TGM4: variants seen among roughly 807,000 people sequenced by gnomAD.
TGM4 encodes the protein transglutaminase 4.
In TGM4, 61 loss-of-function variants were observed where a neutral mutation model predicts 76.3. The observed-to-expected ratio is 0.80, with a 90% CI of 0.65 to 0.99. The LOEUF (loss-of-function observed/expected upper bound fraction) is 0.99, where lower values mean the gene tolerates loss of function less well. Among genes scored for constraint, TGM4 ranks in the 50% least tolerant of loss-of-function variants. The probability of loss-of-function intolerance (pLI) is 0.00; values close to 1 mark genes in which losing one functional copy is unlikely to be tolerated. For synonymous variants in TGM4, 337 were observed against 329.8 expected (o/e 1.02, Z -0.24); for missense variants, 794 against 843.2 (o/e 0.94, Z 0.72).
chr3:44,884,150 C>T lies in TGM4; in HGVS notation c.20-1175C>T, dbSNP rs531105784. 2.8e-4 allele frequency among the ~76,000 whole-genome samples: 42 copies of T among 152,324 alleles called. 1 individual carries two copies. The highest frequency in any genetic ancestry group is 9.6e-4 in the African/African-American group (40 of 41,592). ...TGTTTTACCATGCCCTCTGCACACT[C>T]GAATTGCCTGGAAAGCTTTGAAAAC... On this transcript the variant is annotated intron_variant, in intron 1 of 13. Transcript: ENST00000296125.
chr3:44,878,674 G>T (rs1003383939), intron 1 of TGM4, among the ~76,000 whole-genome samples: 1 of 151,856 alleles, frequency 6.6e-6, no homozygotes, highest in Non-Finnish European at 1.5e-5. Flanking sequence ...TAGAGATGGG[G>T]TTTCACCATG....
In TGM4 at chr3:44,913,600, G is replaced by A. The variant is rs1249182730; in HGVS notation, c.1930G>A (p.Glu644Lys). Residue 644 changes from glutamate (E) to lysine (K), a missense_variant, in exon 14 of 14, where the codon GAG becomes AAG. Coordinates refer to ENST00000296125, the MANE Select transcript of TGM4 (RefSeq NM_003241.4). ...TSDHGTVQPG[E>K]TIQSQIKCTP... ...ATTTTCCAGGACGGTGCAGCCTGGT[G>A]AGACCATCCAATCCCAAATAAAATG... is the stretch of plus-strand genomic sequence containing the variant. 1.9e-6 allele frequency: 3 copies of A among 1,613,958 alleles called. No individual in the cohort carries two copies. The highest frequency in any genetic ancestry group is 2.5e-6 in the Non-Finnish European group (3 of 1,179,988).
chr3:44,903,773 C>A, intron 8 of TGM4, 111 bp from the exon 9 acceptor site: 1 of 1,007,900 alleles, frequency 9.9e-7, no homozygotes, highest in Non-Finnish European at 1.6e-6. Context: ...CCCCTGAGAA[C>A]AACCTCAGTG....
At chr3:44,898,962 T>C (rs1335563794) in intron 6 of TGM4, among the ~76,000 whole-genome samples, 1 of 151,974 alleles carries the variant, frequency 6.6e-6, no homozygotes, top group African/African-American at 2.4e-5. Flanking sequence ...AGGCAGAACT[T>C]GCCATGAGGG....
Position 44,911,009 on chromosome 3 carries a change from C to T in TGM4, c.1658C>T (p.Ala553Val), listed in dbSNP as rs1575728841. The change falls in exon 12 of 14, where the codon GCT becomes GTT. Residue 553 changes from alanine to valine, a missense_variant. By Grantham distance (64) the Ala-to-Val change is moderately conservative. Transcript: ENST00000296125. ...TCCAAGACCTACATCAACAGCCTGG[C>T]TATATTAGATGATGAGCCAGTTATC... ...LDSKTYINSL[A>V]ILDDEPVIRG... 6.2e-7 allele frequency: 1 copy of T among 1,614,164 alleles called. No individual in the cohort carries two copies. The highest frequency in any genetic ancestry group is 1.7e-5 in the Admixed American group (1 of 60,026).
chr3:44,907,984 G>A (rs141724084), intron 10 of TGM4, among the ~76,000 whole-genome samples: 47 of 152,298 alleles, frequency 3.1e-4, no homozygotes, highest in Non-Finnish European at 4.7e-4. Flanking sequence ...ACTCATAGAC[G>A]AGGGAGCAAT....
At chr3:44,878,199 G>A (rs1699474794) in intron 1 of TGM4, among the ~76,000 whole-genome samples, 1 of 151,650 alleles carries the variant, frequency 6.6e-6, no homozygotes, top group African/African-American at 2.4e-5. Context: ...ATCTACTTGG[G>A]TGGTTAGGAG....
intron 6 of TGM4, among the ~76,000 whole-genome samples, chr3:44,898,417 G>A (rs960376281): frequency 6.6e-6 from 1 of 152,130 alleles, no homozygotes; most frequent in Non-Finnish European, 1.5e-5. Context: ...CTGAAACCAC[G>A]ATTTTTCATC....
rs951526238 is a variant in TGM4, at chr3:44,903,971, G to A, written c.1059G>A (p.Pro353=). The A allele has an allele frequency of 1.5e-5, 25 of 1,613,790 alleles. No homozygotes were observed. The highest frequency in any genetic ancestry group is 3.3e-5 in the Admixed American group (2 of 60,016). ...YDGWQAVDAT[P]QERSQGVFCC... ...GCTGGCAGGCTGTGGACGCAACGCC[G>A]CAGGAGCGAAGCCAGGGTGAGTGGG... is the stretch of plus-strand genomic sequence containing the variant. Residue 353 remains proline, a synonymous_variant, in exon 9 of 14, where the codon CCG becomes CCA. Coordinates refer to ENST00000296125, the MANE Select transcript of TGM4 (RefSeq NM_003241.4).
chr3:44,903,932 C>G lies in TGM4; in HGVS notation c.1020C>G (p.Pro340=). ...TDAWMKRPDL[P]KGYDGWQAVD... ...CCTGGATGAAGCGACCGGATCTGCC[C>G]AAGGGCTACGACGGCTGGCAGGCTG... Residue 340 remains proline, a synonymous_variant, in exon 9 of 14, where the codon CCC becomes CCG. Coordinates refer to ENST00000296125, the MANE Select transcript of TGM4 (RefSeq NM_003241.4). The G allele has an allele frequency of 6.2e-7, 1 of 1,614,196 alleles. No individual in the cohort carries two copies. The highest frequency in any genetic ancestry group is 8.5e-7 in the Non-Finnish European group (1 of 1,180,042).
intron 10 of TGM4, among the ~76,000 whole-genome samples, chr3:44,908,692 C>G (rs1168206470): frequency 2.0e-5 from 3 of 152,046 alleles, no homozygotes; most frequent in Admixed American, 6.5e-5. Flanking sequence ...TTTAATCTCT[C>G]TCGATATTCT....
intron 1 of TGM4, 25 bp downstream of exon 1, chr3:44,874,722 G>A (rs1575706899): frequency 1.9e-6 from 3 of 1,614,092 alleles, no homozygotes; most frequent in Non-Finnish European, 2.5e-6. Context: ...TCTCCATGGA[G>A]CCCCACATGC....
In TGM4 at chr3:44,913,637, A is replaced by G. The variant is rs761427303; in HGVS notation, c.1967A>G (p.Lys656Arg). 1.2e-6 allele frequency: 2 copies of G among 1,614,204 alleles called. No homozygotes were observed. The highest frequency in any genetic ancestry group is 8.5e-7 in the Non-Finnish European group (1 of 1,180,032). The change falls in exon 14 of 14, where the codon AAA becomes AGA. Residue 656 changes from lysine (K) to arginine (R), a missense_variant. Lys to Arg is a conservative substitution (Grantham distance 26). Coordinates refer to ENST00000296125, the MANE Select transcript of TGM4 (RefSeq NM_003241.4). ...IQSQIKCTPI[K>R]TGPKKFIVKL... ...TCCCAAATAAAATGCACCCCAATAA[A>G]AACTGGACCCAAGAAATTTATCGTC...
chr3:44,907,310 C>CAAAAAAAA, intron 10 of TGM4, 110 bp downstream of exon 10: 1 of 659,266 alleles, frequency 1.5e-6, no homozygotes, highest in African/African-American at 2.3e-5. Context: ...CCATCCCTAC[C>CAAAAAAAA]AAAAAAAAAA....
Position 44,907,187 on chromosome 3 carries a change from C to T in TGM4, c.1314C>T (p.Tyr438=). 3 of 1,613,218 alleles carry T rather than the reference C, an allele frequency of 1.9e-6. No individual in the cohort carries two copies. The highest frequency in any genetic ancestry group is 1.7e-6 in the Non-Finnish European group (2 of 1,179,856). ...QDRRRDITYE[Y]KYPEGSSEER... ...GGCGGAGAGATATCACCTATGAGTA[C>T]AAGTATCCAGAAGGTGCTAGCATCA... The change falls in exon 10 of 14, where the codon TAC becomes TAT. Residue 438 remains tyrosine, a synonymous_variant. Coordinates refer to ENST00000296125, the MANE Select transcript of TGM4 (RefSeq NM_003241.4).
At chr3:44,904,105 C>A in intron 9 of TGM4, 118 bp downstream of exon 9, 2 of 881,358 alleles carry the variant, frequency 2.3e-6, no homozygotes, top group Admixed American at 2.3e-5. Context: ...AAAAATTTCC[C>A]AAAACAAAAA....
chr3:44,912,885 T>G (rs1357429441), intron 13 of TGM4, among the ~76,000 whole-genome samples: 1 of 152,254 alleles, frequency 6.6e-6, no homozygotes, highest in African/African-American at 2.4e-5. Flanking sequence ...AATTGTTTGC[T>G]GGACTATATG....
rs962434651 is a variant in TGM4 at position 44,901,591 on chromosome 3, C to A, written c.725C>A (p.Ala242Asp). ...NWTGDYEGGT[A>D]PYKWTGSAPI... ...ACTGGGGACTACGAAGGTGGCACAG[C>A]CCCATACAAGTGGACAGGCAGTGCC... is the stretch of plus-strand genomic sequence containing the variant. Residue 242 changes from alanine (A) to aspartate (D), a missense_variant, in exon 7 of 14, where the codon GCC (alanine) becomes GAC (aspartate). By Grantham distance (126) the Ala-to-Asp change is moderately radical. Coordinates refer to ENST00000296125, the MANE Select transcript of TGM4 (RefSeq NM_003241.4). 8 of 1,613,890 alleles carry A rather than the reference C, an allele frequency of 5.0e-6. No homozygotes were observed. The African/African-American group carries it at 1.1e-4, about 22-fold the overall frequency.
Position 44,888,065 on chromosome 3 carries a change from C to T in TGM4, c.300+270C>T, listed in dbSNP as rs951179249. ...AACAATGTTCACTGGAGGACATGAGCGGAGAGAAGTACATAAAAATAACCC... is the reference window on the plus strand; with the variant it reads ...AACAATGTTCACTGGAGGACATGAGTGGAGAGAAGTACATAAAAATAACCC... On this transcript the variant is annotated intron_variant, in intron 3 of 13. Coordinates refer to ENST00000296125, the MANE Select transcript of TGM4 (RefSeq NM_003241.4). The T allele has an allele frequency of 7.8e-5, 33 of 423,566 alleles. No individual in the cohort carries two copies. The Middle Eastern group carries it at 3.1e-3, about 40-fold the overall frequency. 26.2% of individuals were successfully genotyped at this position (423,566 alleles called of 1,614,324 possible).
Sources: gnomAD v4.1 joint callset for allele counts (sites outside exome capture counted in the v4.1 genomes callset) on GRCh38, gnomAD v4.1.1 for gene constraint, MANE v1.5 for transcripts, NCBI Gene and HGNC (gene_info 2026-07-23, HGNC 2026-07-21) for gene names.